PKIG: variants seen among roughly 807,000 people sequenced by gnomAD.
PKIG encodes protein kinase (cAMP-dependent, catalytic) inhibitor gamma.
Under a neutral mutation model 6.8 loss-of-function variants are expected in PKIG, and 1 was observed. The observed-to-expected ratio is 0.15, with a 90% CI of 0.05 to 0.69. PKIG has a LOEUF of 0.69. PKIG is among the 30% of genes least tolerant of loss of function. PKIG has a pLI of 0.82. For synonymous variants in PKIG, 39 were observed against 43.0 expected, an observed-to-expected ratio of 0.91 and a Z score of 0.36; for missense variants, 77 against 104.0, an observed-to-expected ratio of 0.74 and a Z score of 1.13.
At chr20:44,566,364 T>C (rs1427032755) in intron 1 of PKIG, among the ~76,000 whole-genome samples, 1 of 152,262 alleles carries the variant, frequency 6.6e-6, no homozygotes, top group African/African-American at 2.4e-5. Context: ...GCTGTTGTAA[T>C]GCTTATTAAA....
intron 2 of PKIG, among the ~76,000 whole-genome samples, chr20:44,607,466 T>TCTCGGGTTCGAGCAATTCTCCTGC (rs2065175913): frequency 6.9e-6 from 1 of 144,530 alleles, no homozygotes; most frequent in Non-Finnish European, 1.5e-5. Flanking sequence ...AGCCTCTGCC[T>TCTCGGGTTCGAGCAATTCTCCTGC]CTCGGGTTCG....
intron 1 of PKIG, among the ~76,000 whole-genome samples, chr20:44,544,468 C>T (rs2123161839): frequency 6.6e-6 from 1 of 152,320 alleles, no homozygotes; most frequent in South Asian, 2.1e-4. Context: ...GGCAGTTCCA[C>T]AGTGCCATCA....
intron 1 of PKIG, among the ~76,000 whole-genome samples, chr20:44,538,475 G>T (rs1315323173): frequency 6.6e-6 from 1 of 152,114 alleles, no homozygotes. Context: ...TACAAAAGTA[G>T]AAAAGATAAT....
At chr20:44,583,195 T>G (rs1416701841) in intron 1 of PKIG, among the ~76,000 whole-genome samples, 1 of 152,208 alleles carries the variant, frequency 6.6e-6, no homozygotes, top group Admixed American at 6.5e-5. Context: ...TTGTGTTAAA[T>G]TTCAGTTACA....
At chr20:44,560,552 G>C (rs2064757440) in intron 1 of PKIG, among the ~76,000 whole-genome samples, 1 of 152,188 alleles carries the variant, frequency 6.6e-6, no homozygotes, top group Admixed American at 6.5e-5. Flanking sequence ...TTTAGGTTAA[G>C]CTGTATTTTT....
Position 44,618,670 on chromosome 20 carries a change from A to G in PKIG, c.*306A>G. Reference sequence around the variant, plus strand: ...GGGCGGGGCCTGCCCTACAGTGAGCAGCCCACACAGGAACGCTCCTCTCGC... The same window carrying G: ...GGGCGGGGCCTGCCCTACAGTGAGCGGCCCACACAGGAACGCTCCTCTCGC... On this transcript the variant is annotated 3_prime_UTR_variant, in exon 4 of 4. Coordinates refer to ENST00000372886, the MANE Select transcript of PKIG (RefSeq NM_001281445.2). 3.3e-6 allele frequency: 1 copy of G among 305,474 alleles called. No individual in the cohort carries two copies. The highest frequency in any genetic ancestry group is 4.5e-5 in the Admixed American group (1 of 22,160). 18.9% of individuals were successfully genotyped at this position (305,474 alleles called of 1,614,324 possible).
intron 1 of PKIG, among the ~76,000 whole-genome samples, chr20:44,533,906 G>T (rs973214432): frequency 5.9e-5 from 9 of 152,290 alleles, no homozygotes; most frequent in African/African-American, 2.2e-4. Context: ...TGTCCTTTTG[G>T]GTAAATAAAT....
chr20:44,602,956 C>T (rs1046125235), intron 2 of PKIG, among the ~76,000 whole-genome samples: 7 of 152,082 alleles, frequency 4.6e-5, no homozygotes, highest in Non-Finnish European at 8.8e-5. Flanking sequence ...CCCTATTGCG[C>T]GGGTATTGAA....
At chr20:44,575,248 G>A (rs1426489019) in intron 1 of PKIG, among the ~76,000 whole-genome samples, 1 of 151,946 alleles carries the variant, frequency 6.6e-6, no homozygotes, top group East Asian at 1.9e-4. Flanking sequence ...TGAGACGGAG[G>A]CTGGCCGTCA....
chr20:44,564,027 T>A (rs1296583977), intron 1 of PKIG, among the ~76,000 whole-genome samples: 1 of 152,260 alleles, frequency 6.6e-6, no homozygotes, highest in Non-Finnish European at 1.5e-5. Context: ...TATATCATAG[T>A]ACTTGGAAAT....
intron 2 of PKIG, among the ~76,000 whole-genome samples, chr20:44,607,373 A>ATT (rs1404372234): frequency 3.2e-4 from 36 of 111,422 alleles, no homozygotes; most frequent in African/African-American, 5.1e-4. Flanking sequence ...ATATATATAT[A>ATT]TATATTTTTT....
intron 1 of PKIG, among the ~76,000 whole-genome samples, chr20:44,584,694 A>G (rs2064975444): frequency 6.6e-6 from 1 of 150,778 alleles, no homozygotes; most frequent in African/African-American, 2.4e-5. Context: ...CTAGTTAATA[A>G]GAGGGTTCTC....
At chr20:44,548,089 G>A (rs934562146) in intron 1 of PKIG, among the ~76,000 whole-genome samples, 3 of 152,122 alleles carry the variant, frequency 2.0e-5, no homozygotes, top group Non-Finnish European at 4.4e-5. Flanking sequence ...TGGGGCAGGA[G>A]AATTACTTGA....
At chr20:44,556,565 G>GTTGGCCACGCTGGTC (rs1342934691) in intron 1 of PKIG, among the ~76,000 whole-genome samples, 1 of 152,070 alleles carries the variant, frequency 6.6e-6, no homozygotes, top group East Asian at 1.9e-4. Context: ...GTTTCACCAT[G>GTTGGCCACGCTGGTC]TTGGCCACGC....
At chr20:44,548,885 CACACACACACACACACACAT>C (rs1360532958) in intron 1 of PKIG, among the ~76,000 whole-genome samples, 6 of 144,966 alleles carry the variant, frequency 4.1e-5, no homozygotes, top group South Asian at 2.2e-4. Flanking sequence ...CACACACACA[CACACACACACACACACACAT>C]ATATCTGTCT....
intron 2 of PKIG, among the ~76,000 whole-genome samples, chr20:44,595,524 A>T (rs1330583982): frequency 6.6e-5 from 10 of 151,996 alleles, no homozygotes; most frequent in South Asian, 2.1e-4. Flanking sequence ...TTATTTATTT[A>T]TTTTTTTGAG....
In PKIG at chr20:44,549,871, A is replaced by G. The variant is rs546069182; in HGVS notation, c.-241+17893A>G. 2.0e-5 allele frequency among the ~76,000 whole-genome samples: 3 copies of G among 152,154 alleles called. 1 individual carries two copies. The highest frequency in any genetic ancestry group is 7.2e-5 in the African/African-American group (3 of 41,524). Reference sequence around the variant, plus strand: ...TGAGAAAGTGACAGAAAAGTTTTGGATTTTTGTAATTATAGGAATTCTTTA... The same window carrying G: ...TGAGAAAGTGACAGAAAAGTTTTGGGTTTTTGTAATTATAGGAATTCTTTA... On this transcript the variant is annotated intron_variant, in intron 1 of 4. Coordinates refer to the PKIG transcript ENST00000372887.
intron 1 of PKIG, among the ~76,000 whole-genome samples, chr20:44,541,715 C>G (rs982150481): frequency 7.6e-6 from 1 of 131,456 alleles, no homozygotes; most frequent in African/African-American, 2.9e-5. Flanking sequence ...TTTTTTGAGA[C>G]GGGGTTTTGC....
rs372850311 is a variant in PKIG, at chr20:44,556,425, C to T, written c.-241+24447C>T. ...TCACCCAGGCTGGAATGCAGTGGCG[C>T]GATCTCGGCTCACTGCAACCTCTGC... On this transcript the variant is annotated intron_variant, in intron 1 of 4. Coordinates refer to the PKIG transcript ENST00000372887. 1.1e-3 allele frequency among the ~76,000 whole-genome samples: 166 copies of T among 152,088 alleles called. 4 individuals carry two copies. In the South Asian group the frequency reaches 0.032, roughly 30 times the overall value.
Sources: allele counts gnomAD v4.1 joint callset (sites outside exome capture counted in the v4.1 genomes callset), GRCh38; gene constraint gnomAD v4.1.1; transcripts MANE v1.5; gene names NCBI Gene and HGNC (gene_info 2026-07-23, HGNC 2026-07-21).